Variants in ANGPT2 observed in about 807,000 individuals in gnomAD.
The protein encoded by ANGPT2 is angiopoietin-2.
Under a neutral mutation model 62.9 loss-of-function variants are expected in ANGPT2, and 28 were observed. That is an observed-to-expected ratio of 0.44 (90% CI 0.33 to 0.61). The LOEUF (loss-of-function observed/expected upper bound fraction) is 0.61. ANGPT2 is among the 20% of genes least tolerant of loss of function. The pLI is 0.03. For missense variants in ANGPT2, 727 were observed against 594.9 expected (o/e 1.22, Z -2.31); for synonymous variants, 284 against 207.8 (o/e 1.37, Z -3.15).
intron 1 of ANGPT2, among the ~76,000 whole-genome samples, chr8:6,551,896 T>C (rs1053483936): frequency 2.0e-5 from 3 of 152,238 alleles, no homozygotes; most frequent in Non-Finnish European, 4.4e-5. Flanking sequence ...AGGGAATTTT[T>C]AAGCTACATC....
At chr8:6,516,864 G>A (rs1381992561) in intron 5 of ANGPT2, among the ~76,000 whole-genome samples, 1 of 152,104 alleles carries the variant, frequency 6.6e-6, no homozygotes, top group African/African-American at 2.4e-5. Context: ...ATCTTGTTAT[G>A]GAAGTCAGAG....
intron 2 of ANGPT2, among the ~76,000 whole-genome samples, chr8:6,528,896 G>A (rs1274740517): frequency 6.6e-6 from 1 of 152,184 alleles, no homozygotes; most frequent in Non-Finnish European, 1.5e-5. Context: ...AAAGTCTTCT[G>A]TGAGAATAAA....
rs1356874861 is a variant in ANGPT2, at chr8:6,500,771, A to G, written c.*2330T>C. Reference sequence around the variant, plus strand: ...GTTTGTTTGAAATACCGTGTAAGGAATTGAAGTGTAAAGTAAAAACACAAA... The same window carrying G: ...GTTTGTTTGAAATACCGTGTAAGGAGTTGAAGTGTAAAGTAAAAACACAAA... On this transcript the variant is annotated 3_prime_UTR_variant, in exon 9 of 9. Coordinates refer to ENST00000629816, the MANE Select transcript of ANGPT2 (RefSeq NM_001118887.2). 1 of 152,268 alleles carries G rather than the reference A, an allele frequency of 6.6e-6. No individual in the cohort carries two copies. The highest frequency in any genetic ancestry group is 1.5e-5 in the Non-Finnish European group (1 of 68,046). 9.4% of individuals were successfully genotyped at this position (152,268 alleles called of 1,614,324 possible). A position where few individuals can be genotyped will look rare whatever the true frequency, so the allele number is the denominator to read the frequency against.
chr8:6,499,632 TTTC>T lies in ANGPT2; in HGVS notation c.*3466_*3468del, dbSNP rs1234992845. 2 of 497,596 alleles carry T rather than the reference TTTC, an allele frequency of 4.0e-6. No individual in the cohort carries two copies. The highest frequency in any genetic ancestry group is 7.2e-6 in the Non-Finnish European group (2 of 276,468). The allele number at this position is 497,596 out of a possible 1,614,324, so 30.8% of individuals were successfully genotyped here. On this transcript the variant is annotated 3_prime_UTR_variant, in exon 9 of 9. Transcript: ENST00000629816. Reference sequence around the variant, plus strand: ...GACCTCATGAGAATAATGACTCAGATTTCTTGTTATCGTGAGACTTTTTCTCAA... The same window carrying T: ...GACCTCATGAGAATAATGACTCAGATTTGTTATCGTGAGACTTTTTCTCAA...
Position 6,503,025 on chromosome 8 carries a change from C to T in ANGPT2, c.*76G>A. 2 of 1,558,314 alleles carry T rather than the reference C, an allele frequency of 1.3e-6. No homozygotes were observed. Among genetic ancestry groups the T allele is most frequent in the South Asian group, 1.2e-5 (1 of 83,968 alleles). ...CTGTGGTGGAAGAGGACACAGTGCG[C>T]AGCCGTGACTTTCAGTGCACTGGGC... On this transcript the variant is annotated 3_prime_UTR_variant, in exon 9 of 9. Coordinates refer to ENST00000629816, the MANE Select transcript of ANGPT2 (RefSeq NM_001118887.2).
chr8:6,554,129 G>C (rs1406155205), intron 1 of ANGPT2, among the ~76,000 whole-genome samples: 3 of 149,288 alleles, frequency 2.0e-5, no homozygotes, highest in African/African-American at 7.5e-5. Flanking sequence ...GTAGCCTTGT[G>C]ATAAGACCCA....
chr8:6,557,357 G>A (rs1824797315), intron 1 of ANGPT2, among the ~76,000 whole-genome samples: 1 of 152,166 alleles, frequency 6.6e-6, no homozygotes. Flanking sequence ...TATTCTCGGG[G>A]CAAAATGAGG....
Position 6,503,084 on chromosome 8 carries a change from C to T in ANGPT2, c.*17G>A, listed in dbSNP as rs775100583. ...TTGAAAATAGTTCGAGACAGTTCCT[C>T]AGGTGGACTGGGATGTTTAGAAATC... On this transcript the variant is annotated 3_prime_UTR_variant, in exon 9 of 9. Transcript: ENST00000629816. 1.1e-5 allele frequency: 17 copies of T among 1,613,846 alleles called. No individual in the cohort carries two copies. In the African/African-American group the frequency reaches 2.1e-4, roughly 20 times the overall value.
chr8:6,513,029 A>T (rs1367450530), intron 7 of ANGPT2, among the ~76,000 whole-genome samples: 1 of 152,240 alleles, frequency 6.6e-6, no homozygotes, highest in Admixed American at 6.5e-5. Flanking sequence ...AGTATCCATC[A>T]TTTATGCTAT....
chr8:6,517,822 C>T (rs1816562521), intron 5 of ANGPT2, among the ~76,000 whole-genome samples: 1 of 152,188 alleles, frequency 6.6e-6, no homozygotes, highest in South Asian at 2.1e-4. Flanking sequence ...GTCTATCTCT[C>T]CCTGGATCAG....
At chr8:6,525,900 A>G (rs2515461) in intron 3 of ANGPT2, among the ~76,000 whole-genome samples, 12,688 of 152,204 alleles carry the variant, frequency 0.083, 699 homozygotes, top group African/African-American at 0.15. Context: ...ATATTTGGGG[A>G]ACATAATTGA....
intron 1 of ANGPT2, among the ~76,000 whole-genome samples, chr8:6,548,628 G>A (rs961474807): frequency 3.3e-5 from 5 of 152,176 alleles, no homozygotes; most frequent in Non-Finnish European, 4.4e-5. Context: ...AATGATGGCC[G>A]TAAGTCATAG....
At chr8:6,517,271 C>T (rs1255613249) in intron 5 of ANGPT2, among the ~76,000 whole-genome samples, 1 of 152,156 alleles carries the variant, frequency 6.6e-6, no homozygotes, top group East Asian at 1.9e-4. Context: ...AACCTGATAT[C>T]TTTCTATAAA....
At position 6,562,722 on chromosome 8, in the gene ANGPT2, G is replaced by C. The variant is rs764203431; in HGVS notation, c.213C>G (p.Leu71=). The change falls in exon 1 of 9, where the codon CTC becomes CTG. Residue 71 remains leucine, a synonymous_variant. Transcript: ENST00000629816. ...GCCTCTGCACCGAGTCATCGTATTC[G>C]AGCGGCGCGTCCCTCTGCACAGCAT... ...VSNAVQRDAP[L]EYDDSVQRLQ... The C allele has an allele frequency of 1.2e-6, 2 of 1,613,436 alleles. No homozygotes were observed. The highest frequency in any genetic ancestry group is 1.1e-5 in the South Asian group (1 of 91,040).
intron 7 of ANGPT2, among the ~76,000 whole-genome samples, 187 bp from the exon 8 acceptor site, chr8:6,509,249 C>T (rs769021197): frequency 6.6e-6 from 1 of 152,200 alleles, no homozygotes; most frequent in Non-Finnish European, 1.5e-5. Context: ...TCAAATCCTT[C>T]AGCAAAGAGG....
In ANGPT2 at chr8:6,501,393, A is replaced by G. The variant is rs1466511201; in HGVS notation, c.*1708T>C. 2 of 152,208 alleles carry G rather than the reference A, an allele frequency of 1.3e-5. No individual in the cohort carries two copies. The highest frequency in any genetic ancestry group is 4.8e-5 in the African/African-American group (2 of 41,458). The allele number at this position is 152,208 out of a possible 1,614,324, so 9.4% of individuals were successfully genotyped here. A position where few individuals can be genotyped will look rare whatever the true frequency, so the allele number is the denominator to read the frequency against. On this transcript the variant is annotated 3_prime_UTR_variant, in exon 9 of 9. Transcript: ENST00000629816. ...CTGAACTTCCTTGCAAATGATTCAGAAAAGAATATATGAGAAATTGCCTTT... is the reference window on the plus strand; with the variant it reads ...CTGAACTTCCTTGCAAATGATTCAGGAAAGAATATATGAGAAATTGCCTTT...
intron 2 of ANGPT2, among the ~76,000 whole-genome samples, chr8:6,530,221 A>G (rs1314591585): frequency 6.6e-6 from 1 of 152,032 alleles, no homozygotes. Flanking sequence ...ATTGAAAGTA[A>G]TGGTGGCCAG....
At chr8:6,507,233 C>G (rs913703799) in intron 8 of ANGPT2, among the ~76,000 whole-genome samples, 4 of 152,104 alleles carry the variant, frequency 2.6e-5, no homozygotes, top group Admixed American at 6.5e-5. Flanking sequence ...TGCATCATAA[C>G]TTGGGTCATC....
intron 2 of ANGPT2, among the ~76,000 whole-genome samples, chr8:6,529,892 T>TA (rs1489316799): frequency 6.6e-6 from 1 of 151,612 alleles, no homozygotes; most frequent in Non-Finnish European, 1.5e-5. Context: ...GTTTTTTTTT[T>TA]AAATCATATG....
Sources: allele counts gnomAD v4.1 joint callset (sites outside exome capture counted in the v4.1 genomes callset), GRCh38; gene constraint gnomAD v4.1.1; transcripts MANE v1.5; gene names NCBI Gene and HGNC (gene_info 2026-07-23, HGNC 2026-07-21).